C8orf34: variants seen among roughly 807,000 people sequenced by gnomAD.
C8orf34 encodes the protein chromosome 8 open reading frame 34, also known as uncharacterized protein C8orf34.
A neutral mutation model predicts 68.3 loss-of-function variants in C8orf34; 65 were observed. That is an observed-to-expected ratio of 0.95 (90% CI 0.78 to 1.17). C8orf34 has a LOEUF of 1.17. Ranked by LOEUF, C8orf34 falls within the 50% of genes most tolerant of loss-of-function variation. C8orf34 has a pLI of 0.00. For synonymous variants in C8orf34, 244 were observed against 241.2 expected (o/e 1.01, Z -0.11); for missense variants, 664 against 655.4 (o/e 1.01, Z -0.14).
chr8:68,638,508 CT>C (rs1818912219), intron 7 of C8orf34, among the ~76,000 whole-genome samples: 1 of 152,008 alleles, frequency 6.6e-6, no homozygotes, highest in Admixed American at 6.6e-5. Context: ...TAGCTTCAAT[CT>C]TTATAATAAA....
intron 12 of C8orf34, among the ~76,000 whole-genome samples, chr8:68,788,241 G>A (rs1055135185): frequency 7.2e-5 from 11 of 152,178 alleles, no homozygotes; most frequent in African/African-American, 2.7e-4. Context: ...TTGGTGTGAT[G>A]TGATGAATAA....
intron 1 of C8orf34, among the ~76,000 whole-genome samples, chr8:68,368,243 C>T (rs1208324229): frequency 6.6e-6 from 1 of 152,074 alleles, no homozygotes; most frequent in Non-Finnish European, 1.5e-5. Context: ...CACCTAGAAC[C>T]ATGCTATATT....
intron 10 of C8orf34, among the ~76,000 whole-genome samples, chr8:68,767,111 T>C (rs1823203177): frequency 6.6e-6 from 1 of 152,116 alleles, no homozygotes; most frequent in Non-Finnish European, 1.5e-5. Flanking sequence ...GGAGAATCAA[T>C]TGAACCTGGG....
At chr8:68,707,308 G>T (rs912197797) in intron 8 of C8orf34, among the ~76,000 whole-genome samples, 3 of 152,128 alleles carry the variant, frequency 2.0e-5, no homozygotes, top group African/African-American at 7.2e-5. Context: ...GGACAAGGAC[G>T]AGCCAGCTGC....
chr8:68,490,564 C>T (rs1401688851), intron 5 of C8orf34, among the ~76,000 whole-genome samples: 3 of 152,288 alleles, frequency 2.0e-5, no homozygotes, highest in Middle Eastern at 3.4e-3. Flanking sequence ...TGCTGATTTT[C>T]ATTTACTTAC....
intron 7 of C8orf34, among the ~76,000 whole-genome samples, chr8:68,544,883 C>T (rs1040882145): frequency 3.3e-5 from 5 of 151,968 alleles, no homozygotes; most frequent in Non-Finnish European, 7.4e-5. Flanking sequence ...ATAAAACAAG[C>T]TTCATTGGTC....
intron 5 of C8orf34, among the ~76,000 whole-genome samples, chr8:68,515,832 G>C (rs1174290482): frequency 6.6e-6 from 1 of 152,154 alleles, no homozygotes; most frequent in African/African-American, 2.4e-5. Context: ...CTGGCCTTCA[G>C]CCAGTACACA....
intron 7 of C8orf34, among the ~76,000 whole-genome samples, chr8:68,552,295 G>A (rs7831426): frequency 0.18 from 28,011 of 152,090 alleles, 3,220 homozygotes; most frequent in African/African-American, 0.32. Context: ...AATTTGGGAA[G>A]TATTACCTAT....
At chr8:68,625,556 A>G in intron 7 of C8orf34, 1 of 697,854 alleles carries the variant, frequency 1.4e-6, no homozygotes, top group Non-Finnish European at 2.6e-6. Context: ...CAGCATGTGA[A>G]TTCCAAGAAA....
intron 7 of C8orf34, among the ~76,000 whole-genome samples, chr8:68,595,815 C>G (rs1215916735): frequency 1.3e-5 from 2 of 152,098 alleles, no homozygotes; most frequent in Admixed American, 1.3e-4. Flanking sequence ...GGCAGAAATG[C>G]TTAAAATTAT....
chr8:68,608,522 C>A (rs1403249862), intron 7 of C8orf34, among the ~76,000 whole-genome samples: 1 of 151,364 alleles, frequency 6.6e-6, no homozygotes, highest in East Asian at 1.9e-4. Context: ...TGCTAAGGAA[C>A]AGCATGATGT....
intron 8 of C8orf34, among the ~76,000 whole-genome samples, chr8:68,696,127 C>G (rs953035805): frequency 6.6e-6 from 1 of 151,024 alleles, no homozygotes; most frequent in Non-Finnish European, 1.5e-5. Flanking sequence ...GATTGCGCAA[C>G]TATACTTGAG....
intron 1 of C8orf34, among the ~76,000 whole-genome samples, chr8:68,400,085 G>C (rs1416273487): frequency 1.3e-5 from 2 of 152,042 alleles, no homozygotes; most frequent in Non-Finnish European, 2.9e-5. Flanking sequence ...TGGATGCATG[G>C]TTTGCAAATA....
intron 7 of C8orf34, among the ~76,000 whole-genome samples, chr8:68,622,821 T>C (rs1818426697): frequency 6.6e-6 from 1 of 152,210 alleles, no homozygotes; most frequent in South Asian, 2.1e-4. Context: ...AGAGCAAAGA[T>C]GTTTAAAGAT....
chr8:68,704,256 C>A (rs1821101352), intron 8 of C8orf34, among the ~76,000 whole-genome samples: 1 of 151,980 alleles, frequency 6.6e-6, no homozygotes, highest in East Asian at 1.9e-4. Flanking sequence ...GGAAGAAAAC[C>A]TTCAGAAAAG....
At position 68,501,369 on chromosome 8, in the gene C8orf34, G is replaced by A. The variant is rs965512091; in HGVS notation, c.765+13318G>A. Among the ~76,000 whole-genome samples the A allele has an allele frequency of 3.9e-5, 6 of 152,162 alleles. No homozygotes were observed. In the South Asian group the frequency reaches 6.2e-4, roughly 16 times the overall value. The stretch of plus-strand genomic sequence containing the variant: ...CAACTCTGCACTGTGTGTCCTGGGC[G>A]CCCCGGCTTCACTTCCAGCCACTGT... On this transcript the variant is annotated intron_variant, in intron 5 of 13. Transcript: ENST00000518698.
At chr8:68,375,812 G>A (rs1023288176) in intron 1 of C8orf34, among the ~76,000 whole-genome samples, 2 of 152,192 alleles carry the variant, frequency 1.3e-5, no homozygotes, top group African/African-American at 4.8e-5. Context: ...GTGTTTTGTG[G>A]TACCAAAAGT....
chr8:68,369,928 T>G (rs1807486122), intron 1 of C8orf34, among the ~76,000 whole-genome samples: 1 of 152,200 alleles, frequency 6.6e-6, no homozygotes, highest in African/African-American at 2.4e-5. Flanking sequence ...CTTCTCTTGC[T>G]TTGGACCCCT....
intron 10 of C8orf34, among the ~76,000 whole-genome samples, chr8:68,744,247 C>CAA (rs1486006529): frequency 6.6e-6 from 1 of 150,704 alleles, no homozygotes; most frequent in Non-Finnish European, 1.5e-5. Context: ...TCACCATCAT[C>CAA]AAAGACCAAA....
Sources: allele counts gnomAD v4.1 joint callset (sites outside exome capture counted in the v4.1 genomes callset), GRCh38; gene constraint gnomAD v4.1.1; transcripts MANE v1.5; gene names NCBI Gene and HGNC (gene_info 2026-07-23, HGNC 2026-07-21).